CELF4: variants seen among roughly 807,000 people sequenced by gnomAD.
CELF4 encodes the protein CUGBP Elav-like family member 4.
Under a neutral mutation model 59.9 loss-of-function variants are expected in CELF4, and 18 were observed. That is an observed-to-expected ratio of 0.30 (90% CI 0.21 to 0.45). The LOEUF (loss-of-function observed/expected upper bound fraction) is 0.45, where lower values mean the gene tolerates loss of function less well. Among genes scored for constraint, CELF4 ranks in the 20% least tolerant of loss-of-function variants. The probability of loss-of-function intolerance (pLI) is 1.00; values close to 1 mark genes in which losing one functional copy is unlikely to be tolerated. For synonymous variants in CELF4, 261 were observed against 267.1 expected, an observed-to-expected ratio of 0.98 and a Z score of 0.22; for missense variants, 456 against 689.0, an observed-to-expected ratio of 0.66 and a Z score of 3.79.
At chr18:37,292,338 A>C (rs890209761) in intron 3 of CELF4, among the ~76,000 whole-genome samples, 1 of 152,220 alleles carries the variant, frequency 6.6e-6, no homozygotes, top group Non-Finnish European at 1.5e-5. Context: ...AAGACTGTCC[A>C]AAGCCTTAAT....
intron 2 of CELF4, among the ~76,000 whole-genome samples, chr18:37,362,909 CAGAG>C (rs930960017): frequency 6.6e-6 from 1 of 152,164 alleles, no homozygotes; most frequent in African/African-American, 2.4e-5. Context: ...AGGTCTGGAC[CAGAG>C]AGATGCTATT....
intron 2 of CELF4, among the ~76,000 whole-genome samples, chr18:37,366,943 C>T (rs1016421714): frequency 1.6e-4 from 25 of 152,136 alleles, no homozygotes; most frequent in Non-Finnish European, 3.4e-4. Flanking sequence ...CTTGGTTTCT[C>T]ATTTAAGAGG....
At chr18:37,406,466 C>T (rs1007431063) in intron 2 of CELF4, among the ~76,000 whole-genome samples, 2 of 152,114 alleles carry the variant, frequency 1.3e-5, no homozygotes, top group African/African-American at 4.8e-5. Flanking sequence ...TATGGGCTTG[C>T]TGGAATGGAA....
intron 2 of CELF4, among the ~76,000 whole-genome samples, chr18:37,460,605 T>C (rs1216866101): frequency 6.6e-6 from 1 of 152,228 alleles, no homozygotes; most frequent in African/African-American, 2.4e-5. Context: ...GTTGGCTTTG[T>C]CCACAGGGCC....
At chr18:37,387,253 C>T (rs2154572026) in intron 2 of CELF4, among the ~76,000 whole-genome samples, 1 of 152,354 alleles carries the variant, frequency 6.6e-6, no homozygotes, top group South Asian at 2.1e-4. Context: ...GGGGCTGGGC[C>T]AACTGAACCC....
chr18:37,406,908 G>C (rs1166796789), intron 2 of CELF4, among the ~76,000 whole-genome samples: 2 of 152,168 alleles, frequency 1.3e-5, no homozygotes, highest in East Asian at 1.9e-4. Flanking sequence ...GCCTGTCTAG[G>C]AGCGGGTGAA....
At chr18:37,297,478 G>A (rs1381298847) in intron 3 of CELF4, among the ~76,000 whole-genome samples, 1 of 152,222 alleles carries the variant, frequency 6.6e-6, no homozygotes, top group African/African-American at 2.4e-5. Flanking sequence ...TCCCCAGGAG[G>A]AAAGGTCCTC....
intron 1 of CELF4, among the ~76,000 whole-genome samples, chr18:37,562,720 G>C (rs1376273298): frequency 1.3e-5 from 2 of 152,168 alleles, no homozygotes; most frequent in African/African-American, 4.8e-5. Flanking sequence ...TAATAAATCA[G>C]GCTCCATCAC....
intron 2 of CELF4, among the ~76,000 whole-genome samples, chr18:37,458,409 T>C (rs2099784622): frequency 6.6e-6 from 1 of 152,180 alleles, no homozygotes; most frequent in Non-Finnish European, 1.5e-5. Context: ...TCCATTCAAA[T>C]GTTGCTGAAG....
intron 3 of CELF4, among the ~76,000 whole-genome samples, chr18:37,307,420 A>G (rs551926997): frequency 7.2e-5 from 11 of 152,286 alleles, no homozygotes; most frequent in Admixed American, 2.6e-4. Flanking sequence ...AAATGCCAGG[A>G]AAACAGAGGA....
At chr18:37,559,796 G>A (rs2099985987) in intron 1 of CELF4, among the ~76,000 whole-genome samples, 1 of 152,198 alleles carries the variant, frequency 6.6e-6, no homozygotes, top group African/African-American at 2.4e-5. Flanking sequence ...TGAGGAGGAA[G>A]ATGCTACTAT....
Position 37,244,326 on chromosome 18 carries a change from C to G in CELF4, c.*916G>C, listed in dbSNP as rs984161436. 6.6e-6 allele frequency: 1 copy of G among 152,418 alleles called. No individual in the cohort carries two copies. Among genetic ancestry groups the G allele is most frequent in the Admixed American group, 6.5e-5 (1 of 15,272 alleles). The allele number at this position is 152,418 out of a possible 1,614,324, so 9.4% of individuals were successfully genotyped here. ...AACAATGACCTTGCTTGGTAAGTCC[C>G]ATTTGTTCCCCTCCTTGTTTTCTCA... On this transcript the variant is annotated 3_prime_UTR_variant, in exon 13 of 13. Transcript: ENST00000420428.
At chr18:37,346,487 C>G (rs1438941373) in intron 2 of CELF4, among the ~76,000 whole-genome samples, 1 of 152,098 alleles carries the variant, frequency 6.6e-6, no homozygotes, top group Non-Finnish European at 1.5e-5. Context: ...TCAGCAAGCA[C>G]CTAGTACATA....
At chr18:37,317,431 C>T (rs2096906270) in intron 3 of CELF4, among the ~76,000 whole-genome samples, 1 of 152,188 alleles carries the variant, frequency 6.6e-6, no homozygotes, top group Non-Finnish European at 1.5e-5. Flanking sequence ...AAATCCCTAA[C>T]ACTCAGTCAG....
chr18:37,412,353 G>A (rs1350219445), intron 2 of CELF4, among the ~76,000 whole-genome samples: 1 of 152,182 alleles, frequency 6.6e-6, no homozygotes, highest in Non-Finnish European at 1.5e-5. Context: ...GAGATTCCAG[G>A]GGGCAGAGAC....
At position 37,394,330 on chromosome 18, in the gene CELF4, T is replaced by C. The variant is rs1447542876; in HGVS notation, c.370-72449A>G. Among the ~76,000 whole-genome samples the C allele has an allele frequency of 2.0e-5, 3 of 152,146 alleles. No homozygotes were observed. In the East Asian group the frequency reaches 5.8e-4, roughly 30 times the overall value. On this transcript the variant is annotated intron_variant, in intron 2 of 12. Transcript: ENST00000420428. Reference sequence around the variant, plus strand: ...GGACGGAATTGGGCGGCTTCTCCCCTCCTGCTCGCGTGCAGCCGCCGTGAC... The same window carrying C: ...GGACGGAATTGGGCGGCTTCTCCCCCCCTGCTCGCGTGCAGCCGCCGTGAC...
Position 37,245,367 on chromosome 18 carries a change from G to T in CELF4, c.*45-170C>A, listed in dbSNP as rs1163144775. Among the ~76,000 whole-genome samples the T allele has an allele frequency of 1.3e-5, 2 of 152,036 alleles. No individual in the cohort carries two copies. Among genetic ancestry groups the T allele is most frequent in the African/African-American group, 2.4e-5 (1 of 41,398 alleles). On this transcript the variant is annotated intron_variant, in intron 12 of 12. Transcript: ENST00000420428. The surrounding 1 kb of genome is among the most constrained non-coding windows in gnomAD (Gnocchi z 4.1). ...AGTCATGATCATGATACATTAAAAA[G>T]AAATATACTCTTCTATTCAGAGTAG...
intron 1 of CELF4, among the ~76,000 whole-genome samples, chr18:37,540,463 T>C (rs1423115357): frequency 2.6e-5 from 4 of 152,204 alleles, no homozygotes; most frequent in African/African-American, 9.6e-5. Flanking sequence ...AAGGAGCTCT[T>C]CCCTTCTAGG....
At chr18:37,468,602 G>T (rs894304594) in intron 2 of CELF4, among the ~76,000 whole-genome samples, 55 of 152,280 alleles carry the variant, frequency 3.6e-4, no homozygotes, top group African/African-American at 1.3e-3. Flanking sequence ...CTCCTGTTGT[G>T]TTAGTCCATT....
Sources: allele counts gnomAD v4.1 joint callset (sites outside exome capture counted in the v4.1 genomes callset), GRCh38; gene constraint gnomAD v4.1.1; non-coding constraint Gnocchi (gnomAD v3.1); transcripts MANE v1.5; gene names NCBI Gene and HGNC (gene_info 2026-07-23, HGNC 2026-07-21).